HS3ST5: variants seen among roughly 807,000 people sequenced by gnomAD.
HS3ST5 encodes heparan sulfate glucosamine 3-O-sulfotransferase 5.
In HS3ST5, 10 loss-of-function variants were observed where a neutral mutation model predicts 25.4. The observed-to-expected ratio is 0.39, with a 90% CI of 0.24 to 0.67. HS3ST5 has a LOEUF of 0.67. Ranked by LOEUF, HS3ST5 falls within the 30% of genes least tolerant of loss-of-function variation. HS3ST5 has a pLI of 0.44. For synonymous variants in HS3ST5, 170 were observed against 162.4 expected, an observed-to-expected ratio of 1.05 and a Z score of -0.36; for missense variants, 324 against 420.7, an observed-to-expected ratio of 0.77 and a Z score of 2.01.
chr6:114,164,284 C>T (rs1300871837), intron 3 of HS3ST5, among the ~76,000 whole-genome samples: 2 of 152,122 alleles, frequency 1.3e-5, no homozygotes, highest in African/African-American at 2.4e-5. Context: ...AAACTGAGGA[C>T]TATACCCCCA....
chr6:114,248,022 A>G (rs530623462), intron 1 of HS3ST5, among the ~76,000 whole-genome samples: 17 of 151,694 alleles, frequency 1.1e-4, no homozygotes, highest in Admixed American at 1.1e-3. Flanking sequence ...CAACATGGCA[A>G]AACCCTGTCT....
At chr6:114,256,245 G>A (rs533754089) in intron 1 of HS3ST5, among the ~76,000 whole-genome samples, 7 of 152,086 alleles carry the variant, frequency 4.6e-5, no homozygotes, top group East Asian at 3.9e-4. Flanking sequence ...AAAATTAGCT[G>A]GGCGTGGTGG....
chr6:114,150,775 A>G (rs1355598564), intron 3 of HS3ST5, among the ~76,000 whole-genome samples: 1 of 152,248 alleles, frequency 6.6e-6, no homozygotes, highest in Non-Finnish European at 1.5e-5. Context: ...AAGCCTTATC[A>G]TTTGTACTCA....
intron 3 of HS3ST5, among the ~76,000 whole-genome samples, chr6:114,119,760 C>G (rs911100951): frequency 2.0e-5 from 3 of 152,190 alleles, no homozygotes; most frequent in Non-Finnish European, 2.9e-5. Context: ...TTCACCAATT[C>G]ATTCAACAAA....
intron 3 of HS3ST5, among the ~76,000 whole-genome samples, chr6:114,090,828 C>T (rs561558678): frequency 5.9e-5 from 9 of 152,162 alleles, no homozygotes; most frequent in Non-Finnish European, 8.8e-5. Flanking sequence ...TTAACCTGGA[C>T]GGTGACGTGA....
intron 3 of HS3ST5, among the ~76,000 whole-genome samples, chr6:114,117,093 G>A (rs772037815): frequency 5.3e-5 from 8 of 151,850 alleles, no homozygotes; most frequent in South Asian, 4.1e-4. Context: ...TCCCCATTCC[G>A]GCTGAATCCT....
intron 1 of HS3ST5, among the ~76,000 whole-genome samples, chr6:114,303,996 G>A (rs896424199): frequency 1.3e-5 from 2 of 152,096 alleles, no homozygotes; most frequent in Admixed American, 1.3e-4. Flanking sequence ...GGACCTCAGA[G>A]AAGAGAACTA....
chr6:114,102,541 A>T (rs1274679652), intron 3 of HS3ST5, among the ~76,000 whole-genome samples: 1 of 152,166 alleles, frequency 6.6e-6, no homozygotes, highest in Non-Finnish European at 1.5e-5. Flanking sequence ...ACAGACAGGG[A>T]TAACTTAAAG....
intron 3 of HS3ST5, chr6:114,084,904 T>C: frequency 1.9e-6 from 1 of 513,084 alleles, no homozygotes; most frequent in South Asian, 2.0e-5. Context: ...TGATCTCGGC[T>C]CACTGCAACC....
At chr6:114,099,992 T>C (rs1180699032) in intron 3 of HS3ST5, among the ~76,000 whole-genome samples, 2 of 152,208 alleles carry the variant, frequency 1.3e-5, no homozygotes, top group Non-Finnish European at 2.9e-5. Context: ...TCCTACAGTC[T>C]GAAGGAAAAG....
intron 4 of HS3ST5, among the ~76,000 whole-genome samples, chr6:114,062,374 C>A (rs1335841532): frequency 1.3e-5 from 2 of 152,112 alleles, no homozygotes; most frequent in Non-Finnish European, 2.9e-5. Context: ...TCATAAATTT[C>A]AAAAGAAAGA....
intron 1 of HS3ST5, among the ~76,000 whole-genome samples, chr6:114,323,716 T>A (rs1776059858): frequency 6.6e-6 from 1 of 152,206 alleles, no homozygotes; most frequent in Admixed American, 6.6e-5. Context: ...AATCTCATTA[T>A]GCACATTTAG....
chr6:114,124,379 C>A (rs1191496060), intron 3 of HS3ST5, among the ~76,000 whole-genome samples: 1 of 152,152 alleles, frequency 6.6e-6, no homozygotes, highest in Non-Finnish European at 1.5e-5. Flanking sequence ...GGCAGCTTAT[C>A]AATTTCTTTC....
intron 3 of HS3ST5, among the ~76,000 whole-genome samples, chr6:114,124,354 G>C (rs1246443198): frequency 2.6e-5 from 4 of 152,148 alleles, no homozygotes; most frequent in African/African-American, 9.7e-5. Flanking sequence ...ATTTTGGCCA[G>C]ACTGAAACTC....
intron 1 of HS3ST5, among the ~76,000 whole-genome samples, chr6:114,297,397 G>A (rs776576752): frequency 4.6e-5 from 7 of 152,108 alleles, no homozygotes; most frequent in Non-Finnish European, 4.4e-5. Flanking sequence ...CCAGCCAAGC[G>A]GTGTCCTGAG....
rs77562717 is a variant in HS3ST5, at chr6:114,120,294, A to G, written c.-33+48057T>C. 9.0e-4 allele frequency among the ~76,000 whole-genome samples: 137 copies of G among 152,264 alleles called. 2 individuals are homozygous for G. Among genetic ancestry groups the G allele is most frequent in the East Asian group, 1.2e-3 (6 of 5,180 alleles). ...TACCTGATTTTTTTCCCCTAACTATAAGCCTCTAGATAGGAGTAAACAGGA... is the reference window on the plus strand; with the variant it reads ...TACCTGATTTTTTTCCCCTAACTATGAGCCTCTAGATAGGAGTAAACAGGA... On this transcript the variant is annotated intron_variant, in intron 3 of 4. Coordinates refer to ENST00000312719, the MANE Select transcript of HS3ST5 (RefSeq NM_153612.4).
intron 2 of HS3ST5, among the ~76,000 whole-genome samples, chr6:114,172,875 G>T (rs916505849): frequency 1.3e-5 from 2 of 152,144 alleles, no homozygotes; most frequent in Non-Finnish European, 2.9e-5. Flanking sequence ...TTTGAGGAGG[G>T]TCAGAGCTAC....
Position 114,342,883 on chromosome 6 carries a change from G to T in HS3ST5, c.-1027C>A, listed in dbSNP as rs1418501709. The T allele has an allele frequency of 6.5e-6, 1 of 152,726 alleles. No homozygotes were observed. Among genetic ancestry groups the T allele is most frequent in the Non-Finnish European group, 1.5e-5 (1 of 68,506 alleles). 9.5% of individuals were successfully genotyped at this position (152,726 alleles called of 1,614,324 possible). On this transcript the variant is annotated 5_prime_UTR_variant, in exon 1 of 5. Coordinates refer to ENST00000312719, the MANE Select transcript of HS3ST5 (RefSeq NM_153612.4). ...CTGGCGCTGTCACGGCCGCCGCCCG[G>T]CCCCCAGAGCGCCCGAGCCGGCAGC... is the stretch of plus-strand genomic sequence containing the variant.
intron 1 of HS3ST5, among the ~76,000 whole-genome samples, chr6:114,249,665 C>A (rs575774912): frequency 2.5e-3 from 382 of 152,314 alleles, no homozygotes; most frequent in Non-Finnish European, 4.5e-3. Flanking sequence ...GTGTGGGATA[C>A]AAAGGCCAAG....
Sources: allele counts gnomAD v4.1 joint callset (sites outside exome capture counted in the v4.1 genomes callset), GRCh38; gene constraint gnomAD v4.1.1; transcripts MANE v1.5; gene names NCBI Gene and HGNC (gene_info 2026-07-23, HGNC 2026-07-21).